The following ZNF423 variants were observed in gnomAD, a reference collection of about 807,000 sequenced individuals.
The protein encoded by ZNF423 is Ebf-associated zinc finger protein.
ZNF423 carries 12 observed loss-of-function variants against 95.8 expected under a neutral mutation model. The ratio of observed to expected loss-of-function variants is 0.13; its 90% CI spans 0.08 to 0.20. The LOEUF (loss-of-function observed/expected upper bound fraction) is 0.20, where lower values mean the gene tolerates loss of function less well. ZNF423 is among the 10% of genes least tolerant of loss of function. ZNF423 has a pLI of 1.00. For missense variants in ZNF423, 1,316 were observed against 1,737.1 expected (o/e 0.76, Z 4.31); for synonymous variants, 749 against 711.9 (o/e 1.05, Z -0.83).
At chr16:49,526,763 T>C (rs1968626741) in intron 5 of ZNF423, among the ~76,000 whole-genome samples, 1 of 152,178 alleles carries the variant, frequency 6.6e-6, no homozygotes, top group Non-Finnish European at 1.5e-5. Context: ...TCTGAAACAC[T>C]CCATAACAGC....
chr16:49,846,434 A>G (rs1179704065), intron 1 of ZNF423, among the ~76,000 whole-genome samples: 3 of 152,170 alleles, frequency 2.0e-5, no homozygotes, highest in Non-Finnish European at 4.4e-5. Flanking sequence ...AAATGAAGTG[A>G]GCTCCAAGGT....
chr16:49,551,921 TC>T (rs142972340), intron 5 of ZNF423, among the ~76,000 whole-genome samples: 1,880 of 152,358 alleles, frequency 0.012, 43 homozygotes, highest in African/African-American at 0.041. Context: ...TGTACCATCT[TC>T]CAACTCAAAT....
chr16:49,773,263 G>A (rs918931191), intron 2 of ZNF423, among the ~76,000 whole-genome samples: 1 of 152,016 alleles, frequency 6.6e-6, no homozygotes, highest in African/African-American at 2.4e-5. Flanking sequence ...AAATTGCAGT[G>A]AGCCGAGATG....
chr16:49,688,009 A>G (rs1417058276), intron 3 of ZNF423, among the ~76,000 whole-genome samples: 4 of 141,256 alleles, frequency 2.8e-5, no homozygotes, highest in Non-Finnish European at 6.1e-5. Flanking sequence ...TCCAGGAGGG[A>G]CCCAGGGACC....
rs924490445 is a variant in ZNF423 at position 49,664,624 on chromosome 16, C to T, written c.302-25750G>A. On this transcript the variant is annotated intron_variant, in intron 3 of 7. Transcript: ENST00000563137. ...GGTCTCTCTCGGACACTGCCCCTGT[C>T]TGCCAGGACAGGGTGGGGGGACGGC... Among the ~76,000 whole-genome samples, 11 of 142,092 alleles carry T rather than the reference C, an allele frequency of 7.7e-5. No individual in the cohort carries two copies. The South Asian group carries it at 2.7e-3, about 35-fold the overall frequency. 93.2% of individuals were successfully genotyped at this position (142,092 alleles called of 152,430 possible).
chr16:49,853,395 A>G (rs1443908718), intron 1 of ZNF423, among the ~76,000 whole-genome samples: 1 of 152,144 alleles, frequency 6.6e-6, no homozygotes, highest in Non-Finnish European at 1.5e-5. Context: ...CTCCCTTGAT[A>G]AGTGGCCACA....
chr16:49,674,161 TA>T (rs1299062042), intron 3 of ZNF423, among the ~76,000 whole-genome samples: 1 of 152,214 alleles, frequency 6.6e-6, no homozygotes, highest in Admixed American at 6.5e-5. Context: ...GGTACTTTTT[TA>T]AACCTATATG....
At chr16:49,723,893 G>T (rs2032935161) in intron 3 of ZNF423, among the ~76,000 whole-genome samples, 1 of 152,118 alleles carries the variant, frequency 6.6e-6, no homozygotes, top group Admixed American at 6.5e-5. Context: ...GTCCATTTCT[G>T]TTTCACACCA....
intron 1 of ZNF423, among the ~76,000 whole-genome samples, chr16:49,792,243 GGTTTA>G (rs1342142623): frequency 6.6e-6 from 1 of 152,150 alleles, no homozygotes; most frequent in African/African-American, 2.4e-5. Flanking sequence ...CACTCAAGGT[GGTTTA>G]GTTAAGAAGT....
Position 49,619,973 on chromosome 16 carries a change from G to A in ZNF423, c.3601+6197C>T, listed in dbSNP as rs534169911. On this transcript the variant is annotated intron_variant, in intron 5 of 7. Coordinates refer to ENST00000563137, the MANE Select transcript of ZNF423 (RefSeq NM_001379286.1). ...CTTCCCCTCCAAAATGCTGCAGGCT[G>A]GGCCTTCAGCACGGGGCCAGGGTCC... 2.0e-5 allele frequency among the ~76,000 whole-genome samples: 3 copies of A among 152,252 alleles called. No individual in the cohort carries two copies. In the South Asian group the frequency reaches 6.2e-4, roughly 32 times the overall value.
At chr16:49,511,708 C>A (rs1242221449) in intron 7 of ZNF423, among the ~76,000 whole-genome samples, 3 of 152,230 alleles carry the variant, frequency 2.0e-5, no homozygotes, top group Non-Finnish European at 4.4e-5. Context: ...CCACACATGG[C>A]CCCTCAGGAG....
At chr16:49,691,064 G>A (rs574965677) in intron 3 of ZNF423, among the ~76,000 whole-genome samples, 43 of 152,360 alleles carry the variant, frequency 2.8e-4, no homozygotes, top group Admixed American at 5.2e-4. Flanking sequence ...AGCAGCCGTC[G>A]GAGGGGGCTG....
At chr16:49,633,257 C>T (rs1972563702) in intron 4 of ZNF423, among the ~76,000 whole-genome samples, 1 of 152,196 alleles carries the variant, frequency 6.6e-6, no homozygotes, top group African/African-American at 2.4e-5. Context: ...AGTCCTTACT[C>T]CTCAATGAGT....
chr16:49,690,526 C>CA (rs1464267644), intron 3 of ZNF423, among the ~76,000 whole-genome samples: 1 of 152,142 alleles, frequency 6.6e-6, no homozygotes, highest in Non-Finnish European at 1.5e-5. Context: ...TATCTCTAAA[C>CA]AAAAAACAAT....
chr16:49,756,845 G>A (rs2033736743), intron 2 of ZNF423, among the ~76,000 whole-genome samples: 1 of 152,202 alleles, frequency 6.6e-6, no homozygotes, highest in Non-Finnish European at 1.5e-5. Flanking sequence ...ATGGCGGGGG[G>A]AAGCCAGCAT....
rs1175568058 is a variant in ZNF423 at position 49,842,447 on chromosome 16, A to AGGCAGGCC, written c.40+13287_40+13288insGGCCTGCC. Among the ~76,000 whole-genome samples, 5 of 144,212 alleles carry AGGCAGGCC rather than the reference A, an allele frequency of 3.5e-5. No individual in the cohort carries two copies. In the East Asian group the frequency reaches 6.0e-4, roughly 17 times the overall value. The allele number at this position is 144,212 out of a possible 152,430, so 94.6% of individuals were successfully genotyped here. A position where few individuals can be genotyped will look rare whatever the true frequency, so the allele number is the denominator to read the frequency against. On this transcript the variant is annotated intron_variant, in intron 1 of 7. Transcript: ENST00000563137. ...CAGGCAGGCAGGCAGGCAGGCAGGC[A>AGGCAGGCC]GGCCCATAAACATAAAAGGCCAGGT...
intron 5 of ZNF423, among the ~76,000 whole-genome samples, chr16:49,597,933 T>C (rs956726381): frequency 2.6e-5 from 4 of 152,208 alleles, no homozygotes; most frequent in African/African-American, 9.7e-5. Flanking sequence ...CACAGCTACC[T>C]TCCCCGCATC....
At chr16:49,751,292 G>A (rs1217389674) in intron 2 of ZNF423, among the ~76,000 whole-genome samples, 2 of 152,122 alleles carry the variant, frequency 1.3e-5, no homozygotes, top group African/African-American at 4.8e-5. Flanking sequence ...TGCTATCACA[G>A]CTCACTGCAG....
At chr16:49,611,353 G>T (rs918706121) in intron 5 of ZNF423, among the ~76,000 whole-genome samples, 9 of 151,914 alleles carry the variant, frequency 5.9e-5, no homozygotes, top group African/African-American at 1.9e-4. Flanking sequence ...CAGAAAGGCA[G>T]GAAAGCCTCC....
Sources: allele counts gnomAD v4.1 joint callset (sites outside exome capture counted in the v4.1 genomes callset), GRCh38; gene constraint gnomAD v4.1.1; transcripts MANE v1.5; gene names NCBI Gene and HGNC (gene_info 2026-07-23, HGNC 2026-07-21).